Variants in SETBP1 observed in about 807,000 individuals in gnomAD.
The protein encoded by SETBP1 is SET binding protein 1, also known as SET-binding protein.
In SETBP1, 9 loss-of-function variants were observed where a neutral mutation model predicts 101.0. That is an observed-to-expected ratio of 0.09 (90% confidence interval 0.05 to 0.16). The LOEUF (loss-of-function observed/expected upper bound fraction) is 0.16, where lower values mean the gene tolerates loss of function less well. SETBP1 is among the 10% of genes least tolerant of loss of function. The pLI, the probability that SETBP1 is intolerant of heterozygous loss-of-function variation, is 1.00. For synonymous variants in SETBP1, 818 were observed against 788.5 expected, an observed-to-expected ratio of 1.04 and a Z score of -0.63; for missense variants, 1,858 against 2,033.8, an observed-to-expected ratio of 0.91 and a Z score of 1.66.
chr18:44,932,819 A>G (rs980352483), intron 3 of SETBP1, among the ~76,000 whole-genome samples: 1 of 151,878 alleles, frequency 6.6e-6, no homozygotes. Context: ...ACTTCTCTAC[A>G]CTGTTTATTC....
chr18:44,915,838 G>A (rs1405033069), intron 3 of SETBP1, among the ~76,000 whole-genome samples: 1 of 152,174 alleles, frequency 6.6e-6, no homozygotes, highest in Non-Finnish European at 1.5e-5. Context: ...TTTTACAGAT[G>A]AGGAAACAGG....
chr18:44,758,286 C>T (rs1026458933), intron 2 of SETBP1, among the ~76,000 whole-genome samples: 5 of 152,112 alleles, frequency 3.3e-5, no homozygotes, highest in African/African-American at 1.2e-4. Flanking sequence ...AGATCATTTT[C>T]TTTACTAATT....
intron 2 of SETBP1, among the ~76,000 whole-genome samples, chr18:44,719,494 G>A (rs1456025432): frequency 6.6e-6 from 1 of 152,078 alleles, no homozygotes; most frequent in African/African-American, 2.4e-5. Context: ...GAGGAGCCTG[G>A]TCTGTGATTC....
chr18:45,016,192 G>A (rs1283515842), intron 4 of SETBP1, among the ~76,000 whole-genome samples: 2 of 152,214 alleles, frequency 1.3e-5, no homozygotes, highest in African/African-American at 2.4e-5. Context: ...GAGGGTGGGG[G>A]AGGTTTTCCC....
At chr18:44,963,621 G>A (rs1311996186) in intron 4 of SETBP1, among the ~76,000 whole-genome samples, 1 of 152,022 alleles carries the variant, frequency 6.6e-6, no homozygotes, top group Non-Finnish European at 1.5e-5. Context: ...GGGCACAGTG[G>A]CTCACACCTG....
chr18:44,701,681 G>C lies in SETBP1; in HGVS notation c.335G>C (p.Arg112Pro). 1 of 1,614,096 alleles carries C rather than the reference G, an allele frequency of 6.2e-7. No homozygotes were observed. Residue 112 changes from arginine (R) to proline (P), a missense_variant, in exon 2 of 6, where the codon CGG (arginine) becomes CCG (proline). This residue lies in a region of SETBP1 where 28 missense variants were observed against 59.2 expected (regional missense o/e 0.47). Transcript: ENST00000649279. ...AAGCTAAAGATTCAGACCACAAAGCGGGCTAAGAAACCCCCAAAGAATTTG... is the reference window on the plus strand; with the variant it reads ...AAGCTAAAGATTCAGACCACAAAGCCGGCTAAGAAACCCCCAAAGAATTTG... Reference protein sequence around the residue: ...SLKLKIQTTKRAKKPPKNLEN... With the variant: ...SLKLKIQTTKPAKKPPKNLEN...
intron 2 of SETBP1, among the ~76,000 whole-genome samples, chr18:44,754,276 A>G (rs967703903): frequency 3.3e-5 from 5 of 152,198 alleles, no homozygotes; most frequent in African/African-American, 1.2e-4. Context: ...AATAGAACCT[A>G]TTCCTCCAGA....
chr18:44,928,295 T>C (rs1402557603), intron 3 of SETBP1, among the ~76,000 whole-genome samples: 6 of 152,252 alleles, frequency 3.9e-5, no homozygotes, highest in Non-Finnish European at 8.8e-5. Context: ...TTCCATGGTG[T>C]ATATGTGCCA....
chr18:44,909,397 C>T (rs1034828718), intron 3 of SETBP1, among the ~76,000 whole-genome samples: 1 of 152,182 alleles, frequency 6.6e-6, no homozygotes, highest in Non-Finnish European at 1.5e-5. Context: ...ATTTGTTCTC[C>T]TGGCTGACTG....
At chr18:44,948,535 G>GATAGATAGATGATAT (rs1568232413) in intron 3 of SETBP1, among the ~76,000 whole-genome samples, 103 of 149,854 alleles carry the variant, frequency 6.9e-4, no homozygotes, top group African/African-American at 2.4e-3. Flanking sequence ...ATAGATGATA[G>GATAGATAGATGATAT]ATAGATATTA....
intron 2 of SETBP1, among the ~76,000 whole-genome samples, chr18:44,762,464 T>C (rs1006036883): frequency 2.0e-5 from 3 of 152,096 alleles, no homozygotes; most frequent in Non-Finnish European, 4.4e-5. Context: ...GAGGTAGAGG[T>C]GGGAGTGGTG....
chr18:44,784,791 A>G (rs1373912918), intron 2 of SETBP1, among the ~76,000 whole-genome samples: 1 of 152,356 alleles, frequency 6.6e-6, no homozygotes, highest in Non-Finnish European at 1.5e-5. Context: ...TACGTAGTCA[A>G]TGAAGGACTG....
chr18:44,726,037 T>C (rs1204940823), intron 2 of SETBP1, among the ~76,000 whole-genome samples: 1 of 152,194 alleles, frequency 6.6e-6, no homozygotes, highest in Non-Finnish European at 1.5e-5. Context: ...AACTTTCATA[T>C]GACCTTGAGT....
At chr18:45,038,762 T>C in intron 5 of SETBP1, 107 bp downstream of exon 5, 2 of 1,210,338 alleles carry the variant, frequency 1.7e-6, no homozygotes, top group Non-Finnish European at 1.2e-6. Flanking sequence ...TGTTTTGCCA[T>C]CCTCCCCTAG....
chr18:45,042,666 A>T (rs148303962), intron 5 of SETBP1, among the ~76,000 whole-genome samples: 1 of 152,214 alleles, frequency 6.6e-6, no homozygotes, highest in Non-Finnish European at 1.5e-5. Context: ...GCATATATGC[A>T]TGTGTTATAT....
chr18:45,059,829 T>C (rs1377208616), intron 5 of SETBP1, among the ~76,000 whole-genome samples: 4 of 152,172 alleles, frequency 2.6e-5, no homozygotes, highest in Admixed American at 2.6e-4. Flanking sequence ...CCTACTCTAG[T>C]GGCTTAATAA....
At chr18:44,714,377 T>A (rs1488350199) in intron 2 of SETBP1, among the ~76,000 whole-genome samples, 3 of 152,126 alleles carry the variant, frequency 2.0e-5, no homozygotes, top group African/African-American at 7.2e-5. Flanking sequence ...TTATTTTGTA[T>A]TTTTAGTAGA....
At chr18:44,841,461 C>T (rs1038504663) in intron 2 of SETBP1, among the ~76,000 whole-genome samples, 1 of 152,130 alleles carries the variant, frequency 6.6e-6, no homozygotes, top group Non-Finnish European at 1.5e-5. Context: ...CTAAAGCCAG[C>T]CACACTCAAG....
rs749986583 is a variant in SETBP1, at chr18:44,950,010, A to G, written c.670A>G (p.Thr224Ala). Residue 224 changes from threonine (T) to alanine (A), a missense_variant, in exon 4 of 6, where the codon ACC becomes GCC. This residue lies in a region of SETBP1 where 581 missense variants were observed against 535.1 expected (regional missense o/e 1.09). Transcript: ENST00000649279. ...SSSQNHMDWSTNSDSGPVTQN... is the reference protein window; with the variant it reads ...SSSQNHMDWSANSDSGPVTQN... ...CAGCCAGAACCACATGGACTGGTCC[A>G]CCAACTCTGACAGCGGACCCGTCAC... 6.2e-7 allele frequency: 1 copy of G among 1,614,084 alleles called. No homozygotes were observed. The highest frequency in any genetic ancestry group is 8.5e-7 in the Non-Finnish European group (1 of 1,180,014).
Sources: gnomAD v4.1 joint callset for allele counts (sites outside exome capture counted in the v4.1 genomes callset) on GRCh38, gnomAD v4.1.1 for gene constraint, gnomAD v4.1.1 regional missense constraint, MANE v1.5 for transcripts, NCBI Gene and HGNC (gene_info 2026-07-23, HGNC 2026-07-21) for gene names.